The following RAB6B variants were observed in gnomAD, a reference collection of about 807,000 sequenced individuals.
RAB6B encodes RAB6B, member RAS oncogene family, also known as ras-related protein Rab-6B.
Under a neutral mutation model 31.2 loss-of-function variants are expected in RAB6B, and 7 were observed. The ratio of observed to expected loss-of-function variants is 0.22; its 90% CI spans 0.13 to 0.42. The LOEUF (loss-of-function observed/expected upper bound fraction) is 0.42. Among genes scored for constraint, RAB6B ranks in the 10% least tolerant of loss-of-function variants. The pLI is 1.00. For synonymous variants in RAB6B, 105 were observed against 104.9 expected, an observed-to-expected ratio of 1.00 and a Z score of -0.01; for missense variants, 149 against 280.6, an observed-to-expected ratio of 0.53 and a Z score of 3.35.
intron 2 of RAB6B, among the ~76,000 whole-genome samples, chr3:133,862,892 A>G (rs1221939133): frequency 6.6e-6 from 1 of 152,242 alleles, no homozygotes; most frequent in Non-Finnish European, 1.5e-5. Context: ...AAGAAGCATT[A>G]TATGTAACTT....
At chr3:133,839,725 CA>C in intron 4 of RAB6B, 108 bp from the exon 5 acceptor site, 1 of 812,258 alleles carries the variant, frequency 1.2e-6, no homozygotes, top group Non-Finnish European at 2.2e-6. Context: ...CATGTGCCCT[CA>C]GATACCCAGG....
chr3:133,840,330 C>T (rs908919916), intron 4 of RAB6B, among the ~76,000 whole-genome samples: 2 of 152,188 alleles, frequency 1.3e-5, no homozygotes, highest in African/African-American at 4.8e-5. Flanking sequence ...ACCCACCACT[C>T]GGCAGCCTGC....
chr3:133,886,145 AAC>A (rs1936541752), intron 1 of RAB6B, among the ~76,000 whole-genome samples: 1 of 152,084 alleles, frequency 6.6e-6, no homozygotes, highest in African/African-American at 2.4e-5. Flanking sequence ...ATTCCCCAGA[AAC>A]CCCAAGCCTT....
rs541360455 is a variant in RAB6B at position 133,893,052 on chromosome 3, G to C, written c.70+2345C>G. The stretch of plus-strand genomic sequence containing the variant: ...CTCCCTGACAGAAGGCACCAGGGTG[G>C]CCAGCAGCCCATCTCACTGATAGCA... On this transcript the variant is annotated intron_variant, in intron 1 of 7. Transcript: ENST00000285208. Among the ~76,000 whole-genome samples the C allele has an allele frequency of 2.6e-5, 4 of 152,104 alleles. No individual in the cohort carries two copies. In the East Asian group the frequency reaches 7.7e-4, roughly 29 times the overall value.
intron 1 of RAB6B, among the ~76,000 whole-genome samples, chr3:133,866,935 G>A (rs897740348): frequency 1.3e-5 from 2 of 152,272 alleles, no homozygotes; most frequent in Non-Finnish European, 2.9e-5. Flanking sequence ...ATGCATCAGG[G>A]ATCAGGGTGG....
At chr3:133,889,556 TC>T (rs947498399) in intron 1 of RAB6B, among the ~76,000 whole-genome samples, 1 of 151,320 alleles carries the variant, frequency 6.6e-6, no homozygotes, top group African/African-American at 2.4e-5. Context: ...TGCCTCAGGT[TC>T]CCAAGTAGCT....
At chr3:133,831,646 A>G (rs893576729) in intron 7 of RAB6B, among the ~76,000 whole-genome samples, 9 of 152,318 alleles carry the variant, frequency 5.9e-5, no homozygotes, top group Admixed American at 5.9e-4. Flanking sequence ...GGGAAGAATG[A>G]CTGGACCCAT....
intron 2 of RAB6B, 144 bp downstream of exon 2, chr3:133,864,440 C>G (rs982816133): frequency 2.6e-6 from 2 of 775,788 alleles, no homozygotes; most frequent in Admixed American, 3.8e-5. Context: ...AGGGATGGGG[C>G]CAGTATAGAG....
chr3:133,893,915 G>A (rs1936671051), intron 1 of RAB6B, among the ~76,000 whole-genome samples: 1 of 152,104 alleles, frequency 6.6e-6, no homozygotes, highest in African/African-American at 2.4e-5. Flanking sequence ...CAGAATCCAG[G>A]GCAAACGCTG....
In RAB6B at chr3:133,824,790, A is replaced by AGAT. The variant is rs1935531046; in HGVS notation, c.*3995_*3997dup. ...CTAGTGTCCTAACCAAAAAGAGTAGAGATGGTCTGAGGAACACACCCACAC... is the reference window on the plus strand; with the variant it reads ...CTAGTGTCCTAACCAAAAAGAGTAGAGATGATGGTCTGAGGAACACACCCACAC... On this transcript the variant is annotated 3_prime_UTR_variant, in exon 8 of 8. Coordinates refer to ENST00000285208, the MANE Select transcript of RAB6B (RefSeq NM_016577.4). The AGAT allele has an allele frequency of 6.6e-6, 1 of 152,190 alleles. No individual in the cohort carries two copies. The highest frequency in any genetic ancestry group is 2.4e-5 in the African/African-American group (1 of 41,434). The allele number at this position is 152,190 out of a possible 1,614,324, so 9.4% of individuals were successfully genotyped here. A position where few individuals can be genotyped will look rare whatever the true frequency, so the allele number is the denominator to read the frequency against.
intron 7 of RAB6B, among the ~76,000 whole-genome samples, chr3:133,829,807 T>C (rs1184314661): frequency 6.6e-6 from 1 of 152,214 alleles, no homozygotes; most frequent in Admixed American, 6.5e-5. Context: ...GCTGTGAGGA[T>C]GCTCAGAGCC....
At chr3:133,837,106 C>G (rs149720766) in intron 6 of RAB6B, among the ~76,000 whole-genome samples, 18 of 152,156 alleles carry the variant, frequency 1.2e-4, no homozygotes, top group Non-Finnish European at 2.2e-4. Context: ...GCAGCCACAC[C>G]TTTGCTGCTC....
intron 2 of RAB6B, among the ~76,000 whole-genome samples, chr3:133,843,371 C>T (rs1010683800): frequency 6.0e-4 from 91 of 152,238 alleles, no homozygotes; most frequent in African/African-American, 2.1e-3. Context: ...CACCGAGGCA[C>T]AAATCTGCAA....
At chr3:133,879,859 C>A (rs1419840527) in intron 1 of RAB6B, among the ~76,000 whole-genome samples, 1 of 152,202 alleles carries the variant, frequency 6.6e-6, no homozygotes, top group Admixed American at 6.5e-5. Context: ...GAATGCTAGC[C>A]ACCCTATTCT....
In RAB6B at chr3:133,841,338, A is replaced by C; in HGVS notation, c.236T>G (p.Ile79Ser). The change falls in exon 4 of 8, where the codon ATC becomes AGC. Residue 79 changes from isoleucine (I) to serine (S), a missense_variant. Ile to Ser is a moderately radical substitution (Grantham distance 142). Around this residue, in one of 2 missense-constraint regions of RAB6B, gnomAD observed 75 missense variants for 180.1 expected, o/e 0.42. Coordinates refer to ENST00000285208, the MANE Select transcript of RAB6B (RefSeq NM_016577.4). ...TAGQERFRSL[I>S]PSYIRDSTVA... is the part of the protein sequence containing the mutation. ...CGTGGAGTCCCGGATGTAGCTGGGG[A>C]TCAGGCTGCGGAACCTCTCCTGACC... 6.2e-7 allele frequency: 1 copy of C among 1,614,048 alleles called. No individual in the cohort carries two copies. Among genetic ancestry groups the C allele is most frequent in the Non-Finnish European group, 8.5e-7 (1 of 1,179,996 alleles).
At chr3:133,885,700 G>T (rs1421045693) in intron 1 of RAB6B, 4 of 689,968 alleles carry the variant, frequency 5.8e-6, no homozygotes, top group Non-Finnish European at 2.6e-6. Flanking sequence ...AGCTTAAAGG[G>T]GCTAGCTTTG....
intron 2 of RAB6B, among the ~76,000 whole-genome samples, chr3:133,854,177 A>G (rs1231679200): frequency 6.6e-6 from 1 of 152,184 alleles, no homozygotes; most frequent in Non-Finnish European, 1.5e-5. Flanking sequence ...TGCAATCCCT[A>G]CAAACATCTC....
At chr3:133,854,687 T>C (rs1416478769) in intron 2 of RAB6B, among the ~76,000 whole-genome samples, 1 of 152,220 alleles carries the variant, frequency 6.6e-6, no homozygotes, top group Non-Finnish European at 1.5e-5. Flanking sequence ...TGAATCCACA[T>C]TTATCTTCTT....
intron 1 of RAB6B, among the ~76,000 whole-genome samples, chr3:133,887,229 G>C (rs111837494): frequency 0.029 from 4,349 of 152,302 alleles, 84 homozygotes; most frequent in Non-Finnish European, 0.043. Flanking sequence ...CTGTGTGGAA[G>C]ACACACCTCC....
Sources: gnomAD v4.1 joint callset for allele counts (sites outside exome capture counted in the v4.1 genomes callset) on GRCh38, gnomAD v4.1.1 for gene constraint, gnomAD v4.1.1 regional missense constraint, MANE v1.5 for transcripts, NCBI Gene and HGNC (gene_info 2026-07-23, HGNC 2026-07-21) for gene names.